The following PRKCI variants were observed in gnomAD, a reference collection of about 807,000 sequenced individuals.
The protein encoded by PRKCI is protein kinase C iota type.
A neutral mutation model predicts 84.0 loss-of-function variants in PRKCI; 43 were observed. The ratio of observed to expected loss-of-function variants is 0.51; its 90% CI spans 0.40 to 0.66. The LOEUF is 0.66. Ranked by LOEUF, PRKCI falls within the 30% of genes least tolerant of loss-of-function variation. The pLI, the probability that PRKCI is intolerant of heterozygous loss-of-function variation, is 0.00. For synonymous variants in PRKCI, 216 were observed against 234.4 expected (o/e 0.92, Z 0.72); for missense variants, 459 against 745.6 (o/e 0.62, Z 4.48).
intron 2 of PRKCI, among the ~76,000 whole-genome samples, chr3:170,245,947 T>G (rs1733265761): frequency 8.1e-6 from 1 of 122,808 alleles, no homozygotes; most frequent in South Asian, 2.8e-4. Flanking sequence ...TGTTATGTCT[T>G]TGTTTTTTTT....
At chr3:170,289,678 C>G (rs1282292634) in intron 12 of PRKCI, among the ~76,000 whole-genome samples, 1 of 151,780 alleles carries the variant, frequency 6.6e-6, no homozygotes, top group African/African-American at 2.4e-5. Context: ...TTTGGGAGGC[C>G]GAGGCGGGTG....
chr3:170,241,891 G>A (rs1183324179), intron 2 of PRKCI, among the ~76,000 whole-genome samples: 5 of 152,132 alleles, frequency 3.3e-5, no homozygotes, highest in South Asian at 2.1e-4. Flanking sequence ...ACTTGGGGAG[G>A]CTGAGGCAGG....
rs140983147 is a variant in PRKCI at position 170,287,324 on chromosome 3, A to T, written c.1203+2728A>T. Among the ~76,000 whole-genome samples, 523 of 150,016 alleles carry T rather than the reference A, an allele frequency of 3.5e-3. 4 individuals carry two copies. Among genetic ancestry groups the T allele is most frequent in the African/African-American group, 0.012 (502 of 40,244 alleles). On this transcript the variant is annotated intron_variant, in intron 12 of 17. Coordinates refer to ENST00000295797, the MANE Select transcript of PRKCI (RefSeq NM_002740.6). ...GGTGACAGAGTGAGATCCTATCTAA[A>T]ATATATATATATATAGAGAGAGAGA...
At position 170,276,815 on chromosome 3, in the gene PRKCI, C is replaced by T. The variant is rs181402598; in HGVS notation, c.705+1528C>T. On this transcript the variant is annotated intron_variant, in intron 8 of 17. Coordinates refer to ENST00000295797, the MANE Select transcript of PRKCI (RefSeq NM_002740.6). ...ACCTAATTAAACTACAGAGCTTCCA[C>T]GCAGCAAAAGAATCCACCAATAAAC... 5.0e-3 allele frequency among the ~76,000 whole-genome samples: 766 copies of T among 152,162 alleles called. 3 individuals carry two copies. The highest frequency in any genetic ancestry group is 7.3e-3 in the Non-Finnish European group (495 of 68,010).
intron 4 of PRKCI, among the ~76,000 whole-genome samples, 172 bp from the exon 5 acceptor site, chr3:170,267,741 CTT>C (rs1733899610): frequency 7.0e-6 from 1 of 143,594 alleles, no homozygotes; most frequent in Non-Finnish European, 1.5e-5. Flanking sequence ...ACTCTGTGGT[CTT>C]TATTTTTCTT....
intron 5 of PRKCI, among the ~76,000 whole-genome samples, 188 bp from the exon 6 acceptor site, chr3:170,270,231 GCT>G (rs554977668): frequency 3.4e-4 from 52 of 152,228 alleles, no homozygotes; most frequent in Middle Eastern, 3.4e-3. Flanking sequence ...TTTAAAATAA[GCT>G]CTGTTTTTCG....
chr3:170,299,238 T>G, intron 17 of PRKCI, 128 bp downstream of exon 17: 1 of 465,286 alleles, frequency 2.1e-6, no homozygotes. Flanking sequence ...TCATTTTATT[T>G]TATTTTGAGA....
chr3:170,232,030 AAAAG>A (rs527880951), intron 1 of PRKCI, among the ~76,000 whole-genome samples: 1 of 152,152 alleles, frequency 6.6e-6, no homozygotes, highest in Non-Finnish European at 1.5e-5. Flanking sequence ...GAACAAAAGA[AAAAG>A]AACCATGATA....
chr3:170,272,047 C>G (rs1441039786), intron 6 of PRKCI, among the ~76,000 whole-genome samples: 1 of 152,136 alleles, frequency 6.6e-6, no homozygotes, highest in East Asian at 1.9e-4. Flanking sequence ...GTTGGCCAGG[C>G]TGGTCTTGAA....
chr3:170,233,275 T>G (rs1483066150), intron 1 of PRKCI, among the ~76,000 whole-genome samples: 1 of 144,710 alleles, frequency 6.9e-6, no homozygotes, highest in Non-Finnish European at 1.5e-5. Flanking sequence ...TATAATAGAT[T>G]CTATATTTTA....
intron 12 of PRKCI, among the ~76,000 whole-genome samples, chr3:170,286,003 C>A (rs1344753464): frequency 6.6e-6 from 1 of 151,632 alleles, no homozygotes; most frequent in Non-Finnish European, 1.5e-5. Context: ...CGGCTCACTG[C>A]AACCTCCACC....
At chr3:170,234,979 C>T (rs1470296223) in intron 1 of PRKCI, among the ~76,000 whole-genome samples, 1 of 151,600 alleles carries the variant, frequency 6.6e-6, no homozygotes, top group Non-Finnish European at 1.5e-5. Context: ...GGGGTTTCAC[C>T]ATGTTGCCCA....
intron 2 of PRKCI, among the ~76,000 whole-genome samples, chr3:170,253,950 A>G (rs1733518608): frequency 6.6e-6 from 1 of 151,822 alleles, no homozygotes; most frequent in South Asian, 2.1e-4. Flanking sequence ...TACAAAAATT[A>G]GCTGGGCATG....
rs1414246535 is a variant in PRKCI at position 170,222,522 on chromosome 3, C to T, written c.-148C>T. Reference sequence around the variant, plus strand: ...GTTCCGGCTGCTCCGGCGAGGCGACCCTTGGGTCGGCGCTGCGGGCGAGGT... The same window carrying T: ...GTTCCGGCTGCTCCGGCGAGGCGACTCTTGGGTCGGCGCTGCGGGCGAGGT... On this transcript the variant is annotated 5_prime_UTR_variant, in exon 1 of 18. Coordinates refer to ENST00000295797, the MANE Select transcript of PRKCI (RefSeq NM_002740.6). 7.6e-6 allele frequency: 5 copies of T among 658,708 alleles called. No individual in the cohort carries two copies. Among genetic ancestry groups the T allele is most frequent in the African/African-American group, 3.9e-5 (2 of 51,938 alleles). 40.8% of individuals were successfully genotyped at this position (658,708 alleles called of 1,614,324 possible).
intron 3 of PRKCI, among the ~76,000 whole-genome samples, chr3:170,262,562 C>T (rs1386385118): frequency 6.6e-6 from 1 of 152,184 alleles, no homozygotes; most frequent in Non-Finnish European, 1.5e-5. Context: ...CTTACTGCAA[C>T]CTTCGCCTCC....
intron 17 of PRKCI, among the ~76,000 whole-genome samples, chr3:170,301,649 A>T (rs1345762841): frequency 6.6e-6 from 1 of 151,922 alleles, no homozygotes; most frequent in African/African-American, 2.4e-5. Context: ...CTGTGTTTTC[A>T]TTATTTCATC....
intron 2 of PRKCI, among the ~76,000 whole-genome samples, chr3:170,257,822 G>T (rs1798226): frequency 6.6e-6 from 1 of 151,844 alleles, no homozygotes; most frequent in East Asian, 1.9e-4. Flanking sequence ...GTGCCACCAC[G>T]CCCAGCTAAT....
chr3:170,291,223 A>G (rs1365120119), intron 12 of PRKCI, among the ~76,000 whole-genome samples: 1 of 152,176 alleles, frequency 6.6e-6, no homozygotes, highest in African/African-American at 2.4e-5. Flanking sequence ...TGAGATTTAA[A>G]GTGCTTCTTT....
chr3:170,279,227 T>C (rs1705580), intron 8 of PRKCI, among the ~76,000 whole-genome samples: 105,719 of 151,938 alleles, frequency 0.7, 38,069 homozygotes, highest in African/African-American at 0.89. Context: ...TGAGGTTTCT[T>C]GGCACATTGC....
Sources: gnomAD v4.1 joint callset for allele counts (sites outside exome capture counted in the v4.1 genomes callset) on GRCh38, gnomAD v4.1.1 for gene constraint, MANE v1.5 for transcripts, NCBI Gene and HGNC (gene_info 2026-07-23, HGNC 2026-07-21) for gene names.